IMMP2L: variants seen among roughly 807,000 people sequenced by gnomAD.
The protein encoded by IMMP2L is inner mitochondrial membrane peptidase subunit 2.
Under a neutral mutation model 19.3 loss-of-function variants are expected in IMMP2L, and 18 were observed. The observed-to-expected ratio is 0.93, with a 90% confidence interval of 0.64 to 1.38. The LOEUF is 1.38. Ranked by LOEUF, IMMP2L falls within the 40% of genes most tolerant of loss-of-function variation. The pLI is 0.00. For synonymous variants in IMMP2L, 76 were observed against 73.0 expected (o/e 1.04, Z -0.21); for missense variants, 233 against 218.2 (o/e 1.07, Z -0.43).
chr7:110,700,880 T>C (rs1794237897), intron 5 of IMMP2L, among the ~76,000 whole-genome samples: 1 of 152,236 alleles, frequency 6.6e-6, no homozygotes, highest in Non-Finnish European at 1.5e-5. Flanking sequence ...TATAATTTAA[T>C]TTTGTATGTG....
chr7:110,989,000 A>T (rs1822159885), intron 3 of IMMP2L, among the ~76,000 whole-genome samples: 1 of 151,922 alleles, frequency 6.6e-6, no homozygotes, highest in Admixed American at 6.6e-5. Flanking sequence ...ACTTTGGGGG[A>T]CCGAGGCGGC....
intron 2 of IMMP2L, among the ~76,000 whole-genome samples, chr7:111,510,424 A>C (rs1845335185): frequency 6.6e-6 from 1 of 152,148 alleles, no homozygotes; most frequent in Non-Finnish European, 1.5e-5. Flanking sequence ...AGATATCAAA[A>C]TCAGTATAGA....
At chr7:111,336,352 C>G (rs890643541) in intron 3 of IMMP2L, among the ~76,000 whole-genome samples, 2 of 151,692 alleles carry the variant, frequency 1.3e-5, no homozygotes, top group Non-Finnish European at 2.9e-5. Flanking sequence ...CCACACCAGG[C>G]CTTATTTTAA....
At chr7:111,238,383 G>A (rs1814593935) in intron 3 of IMMP2L, among the ~76,000 whole-genome samples, 2 of 152,158 alleles carry the variant, frequency 1.3e-5, no homozygotes, top group Non-Finnish European at 2.9e-5. Context: ...TCTGTAAAGT[G>A]AAGACAATAG....
At chr7:111,198,883 C>CA (rs1209330306) in intron 3 of IMMP2L, among the ~76,000 whole-genome samples, 1 of 151,934 alleles carries the variant, frequency 6.6e-6, no homozygotes, top group East Asian at 1.9e-4. Flanking sequence ...CAATATTTAC[C>CA]AAAAACTACC....
chr7:110,876,049 A>T (rs113815228), intron 5 of IMMP2L, among the ~76,000 whole-genome samples: 6,104 of 152,274 alleles, frequency 0.04, 396 homozygotes, highest in African/African-American at 0.14. Context: ...ACATTTCTTT[A>T]TGAAAATATT....
intron 5 of IMMP2L, among the ~76,000 whole-genome samples, chr7:110,812,439 T>A (rs750597694): frequency 2.6e-5 from 4 of 151,990 alleles, no homozygotes; most frequent in Non-Finnish European, 4.4e-5. Context: ...AGTGGTGGGC[T>A]TAAGAAAAAT....
At chr7:110,931,249 A>G (rs1406857951) in intron 4 of IMMP2L, among the ~76,000 whole-genome samples, 1 of 152,156 alleles carries the variant, frequency 6.6e-6, no homozygotes, top group Admixed American at 6.6e-5. Flanking sequence ...CTGGCCTGAA[A>G]CATATCAGGC....
chr7:111,391,575 A>C (rs952197007), intron 3 of IMMP2L, among the ~76,000 whole-genome samples: 1 of 152,186 alleles, frequency 6.6e-6, no homozygotes, highest in South Asian at 2.1e-4. Flanking sequence ...AGAAAAAATA[A>C]TTCAAATCTA....
chr7:110,833,501 G>A (rs1298189612), intron 5 of IMMP2L, among the ~76,000 whole-genome samples: 1 of 149,768 alleles, frequency 6.7e-6, no homozygotes, highest in Non-Finnish European at 1.5e-5. Flanking sequence ...TTTTAATTAT[G>A]TCTTGCCACC....
At chr7:111,129,270 T>C (rs549511693) in intron 3 of IMMP2L, among the ~76,000 whole-genome samples, 1 of 152,180 alleles carries the variant, frequency 6.6e-6, no homozygotes, top group East Asian at 1.9e-4. Context: ...ATGCTGATTT[T>C]CTAGGAGATA....
chr7:111,050,015 T>C (rs973683380), intron 3 of IMMP2L, among the ~76,000 whole-genome samples: 43 of 152,132 alleles, frequency 2.8e-4, no homozygotes, highest in African/African-American at 1.0e-3. Flanking sequence ...GTGAGGGAAC[T>C]CTCCTCTCCT....
chr7:111,017,546 C>A (rs1344538479), intron 3 of IMMP2L, among the ~76,000 whole-genome samples: 1 of 152,146 alleles, frequency 6.6e-6, no homozygotes, highest in African/African-American at 2.4e-5. Context: ...TTAGATACCC[C>A]ACTCCCAGAT....
At chr7:111,204,175 G>A (rs1287198249) in intron 3 of IMMP2L, among the ~76,000 whole-genome samples, 1 of 152,020 alleles carries the variant, frequency 6.6e-6, no homozygotes, top group Non-Finnish European at 1.5e-5. Context: ...ATGTTTCAAC[G>A]ACTGAGACAA....
intron 4 of IMMP2L, among the ~76,000 whole-genome samples, chr7:110,950,278 A>C (rs1817659529): frequency 1.3e-5 from 2 of 152,062 alleles, no homozygotes; most frequent in African/African-American, 4.8e-5. Context: ...CTGTATATGC[A>C]TGGGTTTCTC....
chr7:111,545,942 AT>A (rs1345708926), intron 1 of IMMP2L, among the ~76,000 whole-genome samples: 2 of 152,142 alleles, frequency 1.3e-5, no homozygotes, highest in Admixed American at 6.6e-5. Context: ...TTCTATGCCT[AT>A]ATAAGAAAAT....
At chr7:111,008,116 T>C (rs2129562825) in intron 3 of IMMP2L, among the ~76,000 whole-genome samples, 1 of 152,176 alleles carries the variant, frequency 6.6e-6, no homozygotes, top group South Asian at 2.1e-4. Flanking sequence ...CAAATGCTTT[T>C]TCCTATTTTA....
At chr7:111,500,046 C>T (rs1844023340) in intron 2 of IMMP2L, among the ~76,000 whole-genome samples, 1 of 152,140 alleles carries the variant, frequency 6.6e-6, no homozygotes. Flanking sequence ...AGGGAGTTCC[C>T]TTTCCTAGTC....
At chr7:110,712,958 A>G (rs920600064) in intron 5 of IMMP2L, among the ~76,000 whole-genome samples, 3 of 150,666 alleles carry the variant, frequency 2.0e-5, no homozygotes, top group Non-Finnish European at 4.4e-5. Context: ...AAATGCAGAA[A>G]TCACCCGTCT....
Sources: gnomAD v4.1 joint callset for allele counts (sites outside exome capture counted in the v4.1 genomes callset) on GRCh38, gnomAD v4.1.1 for gene constraint, MANE v1.5 for transcripts, NCBI Gene and HGNC (gene_info 2026-07-23, HGNC 2026-07-21) for gene names.